The following ANKRD27 variants were observed in gnomAD, a reference collection of about 807,000 sequenced individuals.
ANKRD27 encodes the protein ankyrin repeat domain-containing protein 27.
In ANKRD27, 112 loss-of-function variants were observed where a neutral mutation model predicts 129.7. The ratio of observed to expected loss-of-function variants is 0.86; its 90% CI spans 0.74 to 1.01. The LOEUF (loss-of-function observed/expected upper bound fraction) is 1.01, where lower values mean the gene tolerates loss of function less well. Ranked by LOEUF, ANKRD27 falls within the 50% of genes least tolerant of loss-of-function variation. The pLI, the probability that ANKRD27 is intolerant of heterozygous loss-of-function variation, is 0.00. For missense variants in ANKRD27, 1,258 were observed against 1,300.5 expected (o/e 0.97, Z 0.50); for synonymous variants, 516 against 511.2 (o/e 1.01, Z -0.13).
In ANKRD27 at chr19:32,615,706, T is replaced by A; in HGVS notation, c.2127A>T (p.Glu709Asp). 1 of 1,614,220 alleles carries A rather than the reference T, an allele frequency of 6.2e-7. No individual in the cohort carries two copies. The highest frequency in any genetic ancestry group is 8.5e-7 in the Non-Finnish European group (1 of 1,180,030). Residue 709 changes from glutamate to aspartate, a missense_variant, in exon 22 of 29, where the codon GAA becomes GAT. Physicochemically the swap from Glu to Asp is conservative, Grantham distance 45 (BLOSUM62 2). Transcript: ENST00000306065. ...AEDTVSAADP[E>D]FCHPLCQCPK... ...GGCACTGGCACAACGGGTGACAGAA[T>A]TCGGGGTCCGCTGCACTGACAGTGT...
intron 1 of ANKRD27, among the ~76,000 whole-genome samples, chr19:32,671,113 A>G (rs1014581964): frequency 6.6e-6 from 1 of 151,938 alleles, no homozygotes; most frequent in African/African-American, 2.4e-5. Flanking sequence ...TGAGCAACAA[A>G]GTGAGACCCT....
intron 22 of ANKRD27, chr19:32,608,499 T>C: frequency 4.2e-6 from 1 of 239,102 alleles, no homozygotes. Context: ...TTAAAAATGT[T>C]ACCTCTTTAA....
At position 32,643,341 on chromosome 19, in the gene ANKRD27, A is replaced by C; in HGVS notation, c.651T>G (p.His217Gln). Residue 217 changes from histidine to glutamine, a missense_variant, in exon 8 of 29, where the codon CAT becomes CAG. Coordinates refer to ENST00000306065, the MANE Select transcript of ANKRD27 (RefSeq NM_032139.3). ...TAAAGATCAGGTTGTAAATTTCATG[A>C]TGGACGTATATCTGTGGAATCAACA... Reference protein sequence around the residue: ...LMKQAVEIYVHHEIYNLIFKY... With the variant: ...LMKQAVEIYVQHEIYNLIFKY... 1.2e-6 allele frequency: 2 copies of C among 1,613,880 alleles called. No homozygotes were observed. Among genetic ancestry groups the C allele is most frequent in the Non-Finnish European group, 1.7e-6 (2 of 1,179,998 alleles).
intron 13 of ANKRD27, among the ~76,000 whole-genome samples, chr19:32,629,926 A>C (rs955969178): frequency 2.7e-5 from 4 of 148,888 alleles, no homozygotes; most frequent in African/African-American, 9.9e-5. Context: ...TTTTAGAAAC[A>C]AGGTCTTGCT....
intron 22 of ANKRD27, 50 bp downstream of exon 22, chr19:32,615,608 C>G: frequency 1.2e-6 from 2 of 1,613,832 alleles, no homozygotes; most frequent in Non-Finnish European, 8.5e-7. Flanking sequence ...AAAACAAAAA[C>G]AAAAATTGCC....
intron 18 of ANKRD27, 43 bp from the exon 19 acceptor site, chr19:32,619,596 G>C (rs1274991522): frequency 6.2e-7 from 1 of 1,609,664 alleles, no homozygotes; most frequent in African/African-American, 1.3e-5. Context: ...CGTGAGATGG[G>C]GGTCGTCTCA....
intron 1 of ANKRD27, among the ~76,000 whole-genome samples, chr19:32,666,632 C>T (rs1967760675): frequency 7.1e-6 from 1 of 139,892 alleles, no homozygotes. Context: ...AAAAGGAAAT[C>T]AGATTTCTAT....
chr19:32,649,188 G>T (rs929393345), intron 3 of ANKRD27, among the ~76,000 whole-genome samples: 1 of 151,970 alleles, frequency 6.6e-6, no homozygotes, highest in Non-Finnish European at 1.5e-5. Flanking sequence ...TTCCAGGCTG[G>T]TCTCAAACTC....
chr19:32,614,717 A>C (rs188536679), intron 22 of ANKRD27, among the ~76,000 whole-genome samples: 1 of 152,258 alleles, frequency 6.6e-6, no homozygotes, highest in Admixed American at 6.5e-5. Context: ...AAAAAGAACA[A>C]GGAGTATATA....
intron 26 of ANKRD27, among the ~76,000 whole-genome samples, chr19:32,600,835 T>A (rs1225548482): frequency 6.6e-6 from 1 of 152,148 alleles, no homozygotes; most frequent in African/African-American, 2.4e-5. Flanking sequence ...ATTATTGTAT[T>A]GCATTATTGC....
rs1489188927 is a variant in ANKRD27, at chr19:32,675,096, C to T, written c.-56G>A. ...TTAAAAGGCTACATCGCTTCATTCC[C>T]AGCCCATCCTGGGCGACGGCGGCAC... On this transcript the variant is annotated 5_prime_UTR_variant, in exon 1 of 29. The change creates a premature stop within an existing upstream ORF in the 5' untranslated region. Coordinates refer to ENST00000306065, the MANE Select transcript of ANKRD27 (RefSeq NM_032139.3). 2 of 152,336 alleles carry T rather than the reference C, an allele frequency of 1.3e-5. No individual in the cohort carries two copies. Among genetic ancestry groups the T allele is most frequent in the Non-Finnish European group, 2.9e-5 (2 of 68,140 alleles). The allele number at this position is 152,336 out of a possible 1,614,324, so 9.4% of individuals were successfully genotyped here.
Position 32,660,380 on chromosome 19 carries a change from T to A in ANKRD27, c.-30-1335A>T, listed in dbSNP as rs555094968. Among the ~76,000 whole-genome samples the A allele has an allele frequency of 2.6e-5, 4 of 152,210 alleles. No individual in the cohort carries two copies. In the South Asian group the frequency reaches 8.3e-4, roughly 32 times the overall value. On this transcript the variant is annotated intron_variant, in intron 1 of 28. Transcript: ENST00000306065. ...CAACATGGTGAAACCCCGTCTCTACTGAAAATACAAAAATTAGCTGGGTGT... is the reference window on the plus strand; with the variant it reads ...CAACATGGTGAAACCCCGTCTCTACAGAAAATACAAAAATTAGCTGGGTGT...
chr19:32,615,072 A>C (rs1971894214), intron 22 of ANKRD27, among the ~76,000 whole-genome samples: 1 of 152,138 alleles, frequency 6.6e-6, no homozygotes. Flanking sequence ...GAGACCCTTG[A>C]GCATCTGTTC....
rs538438544 is a variant in ANKRD27, at chr19:32,633,496, A to T, written c.1117-2002T>A. Among the ~76,000 whole-genome samples, 26 of 151,562 alleles carry T rather than the reference A, an allele frequency of 1.7e-4. 1 individual carries two copies. Among genetic ancestry groups the T allele is most frequent in the Admixed American group, 1.6e-3 (25 of 15,188 alleles). ...TAAAGGTGTGCCACCGTGCACCGCTAATTTTTTGTAAAGATGGCGGTCTCG... is the reference window on the plus strand; with the variant it reads ...TAAAGGTGTGCCACCGTGCACCGCTTATTTTTTGTAAAGATGGCGGTCTCG... On this transcript the variant is annotated intron_variant, in intron 12 of 28. Coordinates refer to ENST00000306065, the MANE Select transcript of ANKRD27 (RefSeq NM_032139.3).
intron 12 of ANKRD27, chr19:32,636,162 G>T: frequency 6.4e-6 from 1 of 157,342 alleles, no homozygotes; most frequent in South Asian, 1.7e-4. Context: ...CTTCATCCAC[G>T]GTGGCCTAGC....
chr19:32,669,255 C>T (rs1480710440), intron 1 of ANKRD27, among the ~76,000 whole-genome samples: 2 of 152,168 alleles, frequency 1.3e-5, no homozygotes, highest in Admixed American at 6.5e-5. Context: ...GTGAGCTCTC[C>T]GCCAGTCCTC....
In ANKRD27 at chr19:32,627,389, TATTTATTTATTTATTTA is replaced by T. The variant is rs753374387; in HGVS notation, c.1421-579_1421-563del. ...TTATTTATTTATTTATTTATTTATT[TATTTATTTATTTATTTA>T]TTTATTTTTTGAGACAGAGTCTCAC... is the stretch of plus-strand genomic sequence containing the variant. On this transcript the variant is annotated intron_variant, in intron 15 of 28. Transcript: ENST00000306065. Among the ~76,000 whole-genome samples the T allele has an allele frequency of 7.4e-5, 10 of 134,236 alleles. 1 individual carries two copies. The highest frequency in any genetic ancestry group is 2.1e-4 in the African/African-American group (8 of 37,696). The allele number at this position is 134,236 out of a possible 152,430, so 88.1% of individuals were successfully genotyped here.
chr19:32,624,248 T>C (rs1972056262), intron 17 of ANKRD27, among the ~76,000 whole-genome samples: 1 of 151,758 alleles, frequency 6.6e-6, no homozygotes, highest in South Asian at 2.1e-4. Flanking sequence ...GTGTCTGCAG[T>C]CCCAGCTACT....
In ANKRD27 at chr19:32,666,636, TTTCTA is replaced by T. The variant is rs1162167954; in HGVS notation, c.-30-7596_-30-7592del. 7.0e-3 allele frequency among the ~76,000 whole-genome samples: 795 copies of T among 113,694 alleles called. 12 individuals carry two copies. The highest frequency in any genetic ancestry group is 0.028 in the African/African-American group (769 of 27,700). 74.6% of individuals were successfully genotyped at this position (113,694 alleles called of 152,430 possible). ...AATGGGCACAGAAAAGGAAATCAGA[TTTCTA>T]TTTTTTTTTTTTTTTTTTTTTGAGA... is the stretch of plus-strand genomic sequence containing the variant. On this transcript the variant is annotated intron_variant, in intron 1 of 28. Coordinates refer to ENST00000306065, the MANE Select transcript of ANKRD27 (RefSeq NM_032139.3).
Sources: allele counts gnomAD v4.1 joint callset (sites outside exome capture counted in the v4.1 genomes callset), GRCh38; gene constraint gnomAD v4.1.1; transcripts MANE v1.5; gene names NCBI Gene and HGNC (gene_info 2026-07-23, HGNC 2026-07-21).